The following PDE1C variants were observed in gnomAD, a reference collection of about 807,000 sequenced individuals.
The protein encoded by PDE1C is dual specificity calcium/calmodulin-dependent 3',5'-cyclic nucleotide phosphodiesterase 1C.
Under a neutral mutation model 93.1 loss-of-function variants are expected in PDE1C, and 62 were observed. That is an observed-to-expected ratio of 0.67 (90% CI 0.54 to 0.82). The LOEUF is 0.82. PDE1C is among the 40% of genes least tolerant of loss of function. The pLI is 0.00. For synonymous variants in PDE1C, 325 were observed against 310.1 expected, an observed-to-expected ratio of 1.05 and a Z score of -0.50; for missense variants, 742 against 884.6, an observed-to-expected ratio of 0.84 and a Z score of 2.04.
At chr7:31,785,274 CTGAA>C (rs1294084109) in intron 16 of PDE1C, 1 of 152,180 alleles carries the variant, frequency 6.6e-6, no homozygotes, top group Non-Finnish European at 1.5e-5. Context: ...TCAGGGGAGA[CTGAA>C]TGAGTGTGCC....
At chr7:32,290,854 A>C (rs1389520404) in intron 1 of PDE1C, among the ~76,000 whole-genome samples, 1 of 152,182 alleles carries the variant, frequency 6.6e-6, no homozygotes, top group Non-Finnish European at 1.5e-5. Context: ...GAAAAATGCC[A>C]ATTTTGAACA....
the PDE1C span, among the ~76,000 whole-genome samples, chr7:31,633,431 A>T: frequency 2.0e-5 from 3 of 152,212 alleles, no homozygotes; most frequent in Non-Finnish European, 4.4e-5. Flanking sequence ...ACCATCTATA[A>T]GGAGTGTTCT....
At chr7:32,181,239 C>T (rs548641665) in intron 2 of PDE1C, among the ~76,000 whole-genome samples, 59 of 152,210 alleles carry the variant, frequency 3.9e-4, no homozygotes, top group Non-Finnish European at 6.8e-4. Context: ...GACAGATCAA[C>T]GAGACAGAAA....
intron 3 of PDE1C, among the ~76,000 whole-genome samples, chr7:32,128,928 TATATATATATATATATATATATATAA>T (rs1033774447): frequency 1.7e-4 from 16 of 92,766 alleles, no homozygotes; most frequent in African/African-American, 6.2e-4. Context: ...TATATATATA[TATATATATATATATATATATATATAA>T]AGAAAAATCT....
chr7:32,225,252 C>T (rs988725385), intron 1 of PDE1C, among the ~76,000 whole-genome samples: 1 of 152,052 alleles, frequency 6.6e-6, no homozygotes, highest in East Asian at 1.9e-4. Flanking sequence ...CATTATAAAC[C>T]TTCATGGACG....
chr7:31,883,339 G>T (rs1351238671), intron 2 of PDE1C, among the ~76,000 whole-genome samples: 1 of 152,186 alleles, frequency 6.6e-6, no homozygotes, highest in Non-Finnish European at 1.5e-5. Context: ...TAAATGGATT[G>T]TTGATTCATG....
intron 2 of PDE1C, among the ~76,000 whole-genome samples, chr7:31,973,659 T>C (rs532115524): frequency 7.3e-4 from 111 of 152,310 alleles, no homozygotes; most frequent in South Asian, 5.8e-3. Context: ...TATTTTACAG[T>C]TGGACAGAGA....
intron 1 of PDE1C, among the ~76,000 whole-genome samples, chr7:32,296,253 T>A (rs1385686664): frequency 2.6e-5 from 4 of 152,210 alleles, no homozygotes; most frequent in African/African-American, 7.2e-5. Flanking sequence ...ACTTACTAAT[T>A]TCTGCTTTTT....
Position 31,848,112 on chromosome 7 carries a change from A to G in PDE1C, c.852-16T>C. The G allele has an allele frequency of 1.2e-6, 2 of 1,610,638 alleles. No homozygotes were observed. Among genetic ancestry groups the G allele is most frequent in the South Asian group, 1.1e-5 (1 of 90,776 alleles). On this transcript the variant is annotated splice_polypyrimidine_tract_variant and intron_variant, in intron 8 of 17. Coordinates refer to ENST00000396191, the MANE Select transcript of PDE1C (RefSeq NM_001191057.4). Reference sequence around the variant, plus strand: ...TGGATCAGACCTGAACAGAAAGCCAAGCAAAATTCAGAATGTTAAACAGTT... The same window carrying G: ...TGGATCAGACCTGAACAGAAAGCCAGGCAAAATTCAGAATGTTAAACAGTT...
At chr7:32,106,653 G>A (rs556075689) in intron 3 of PDE1C, among the ~76,000 whole-genome samples, 60 of 152,230 alleles carry the variant, frequency 3.9e-4, no homozygotes, top group Non-Finnish European at 6.8e-4. Flanking sequence ...AACAACCAGA[G>A]AGACAGAAAC....
intron 2 of PDE1C, among the ~76,000 whole-genome samples, chr7:31,955,323 C>T (rs1215640639): frequency 6.6e-6 from 1 of 152,184 alleles, no homozygotes; most frequent in East Asian, 1.9e-4. Context: ...CCCACTGAAG[C>T]AGGATGCCCA....
intron 5 of PDE1C, among the ~76,000 whole-genome samples, chr7:31,876,285 G>T (rs1221882426): frequency 6.6e-6 from 1 of 152,196 alleles, no homozygotes; most frequent in African/African-American, 2.4e-5. Flanking sequence ...GTGAGGAGAA[G>T]TAGCAATTTA....
chr7:31,694,536 T>C, the PDE1C span, among the ~76,000 whole-genome samples: 5 of 152,178 alleles, frequency 3.3e-5, no homozygotes, highest in African/African-American at 1.2e-4. Context: ...TCAGATCAGC[T>C]TGACTCCATT....
chr7:32,354,010 A>T (rs1176302024), intron 1 of PDE1C, among the ~76,000 whole-genome samples: 8 of 152,162 alleles, frequency 5.3e-5, no homozygotes, highest in Admixed American at 5.2e-4. Flanking sequence ...AGACAACAAC[A>T]GGAGAACTTT....
chr7:32,160,792 A>G (rs899482287), intron 3 of PDE1C, among the ~76,000 whole-genome samples: 2 of 150,194 alleles, frequency 1.3e-5, no homozygotes, highest in Non-Finnish European at 3.0e-5. Flanking sequence ...CCTGGGTGAC[A>G]GAGCAATACT....
chr7:31,965,761 T>C (rs1809832486), intron 2 of PDE1C, among the ~76,000 whole-genome samples: 1 of 152,214 alleles, frequency 6.6e-6, no homozygotes, highest in African/African-American at 2.4e-5. Context: ...GCTGATCTCT[T>C]GGCATAAACT....
intron 2 of PDE1C, among the ~76,000 whole-genome samples, chr7:32,013,228 A>G (rs1330231338): frequency 6.6e-6 from 1 of 152,218 alleles, no homozygotes; most frequent in Non-Finnish European, 1.5e-5. Context: ...AATATGAGTC[A>G]TGATCTCCCC....
chr7:31,833,418 A>G (rs1790675160), intron 11 of PDE1C, among the ~76,000 whole-genome samples: 1 of 152,222 alleles, frequency 6.6e-6, no homozygotes, highest in Admixed American at 6.5e-5. Context: ...AGTGGGTAAC[A>G]GGCAGAGGTT....
intron 3 of PDE1C, among the ~76,000 whole-genome samples, chr7:32,126,234 T>TAGAA (rs1799574281): frequency 6.6e-6 from 1 of 151,988 alleles, no homozygotes; most frequent in South Asian, 2.1e-4. Flanking sequence ...GATAGATAGA[T>TAGAA]AGATAGATAG....
Sources: allele counts gnomAD v4.1 joint callset (sites outside exome capture counted in the v4.1 genomes callset), GRCh38; gene constraint gnomAD v4.1.1; transcripts MANE v1.5; gene names NCBI Gene and HGNC (gene_info 2026-07-23, HGNC 2026-07-21).